Variants in FHOD3 observed in about 807,000 individuals in gnomAD.
FHOD3 encodes FH1/FH2 domain-containing protein 3.
FHOD3 carries 90 observed loss-of-function variants against 173.0 expected under a neutral mutation model. That is an observed-to-expected ratio of 0.52 (90% CI 0.44 to 0.62). The LOEUF (loss-of-function observed/expected upper bound fraction) is 0.62. Ranked by LOEUF, FHOD3 falls within the 20% of genes least tolerant of loss-of-function variation. The pLI, the probability that FHOD3 is intolerant of heterozygous loss-of-function variation, is 0.00. For missense variants in FHOD3, 1,945 were observed against 2,034.7 expected (o/e 0.96, Z 0.85); for synonymous variants, 828 against 823.0 (o/e 1.01, Z -0.10).
At chr18:36,755,474 C>T (rs1044322037) in intron 25 of FHOD3, among the ~76,000 whole-genome samples, 163 bp downstream of exon 25, 1 of 145,310 alleles carries the variant, frequency 6.9e-6, no homozygotes. Context: ...AGTACTCCTC[C>T]ACCATTTCTG....
chr18:36,415,813 G>C (rs2049610256), intron 3 of FHOD3, among the ~76,000 whole-genome samples: 1 of 152,094 alleles, frequency 6.6e-6, no homozygotes, highest in South Asian at 2.1e-4. Context: ...CTTTTTCCAA[G>C]ACTACATAAT....
intron 3 of FHOD3, among the ~76,000 whole-genome samples, chr18:36,439,774 G>C (rs899098444): frequency 1.3e-5 from 2 of 152,100 alleles, no homozygotes; most frequent in Admixed American, 6.5e-5. Flanking sequence ...TTAAGTCCTA[G>C]AGTCCAAAGG....
At chr18:36,662,012 G>A (rs918792321) in intron 14 of FHOD3, among the ~76,000 whole-genome samples, 2 of 152,196 alleles carry the variant, frequency 1.3e-5, no homozygotes, top group African/African-American at 4.8e-5. Flanking sequence ...TTTTTGAGCA[G>A]ATAATTTCTA....
chr18:36,776,750 G>A (rs889211416), intron 28 of FHOD3, among the ~76,000 whole-genome samples: 1 of 152,172 alleles, frequency 6.6e-6, no homozygotes, highest in African/African-American at 2.4e-5. Flanking sequence ...AGAGGGTGAA[G>A]CAGCATCCCA....
At chr18:36,374,199 A>T (rs2047324590) in intron 3 of FHOD3, among the ~76,000 whole-genome samples, 1 of 152,194 alleles carries the variant, frequency 6.6e-6, no homozygotes, top group South Asian at 2.1e-4. Context: ...TTTTAAAAAC[A>T]ACTTCTGTGT....
At chr18:36,656,271 GAACCCTGTTGAAAAATTA>G (rs1012805813) in intron 13 of FHOD3, among the ~76,000 whole-genome samples, 1 of 152,088 alleles carries the variant, frequency 6.6e-6, no homozygotes, top group Non-Finnish European at 1.5e-5. Flanking sequence ...TGTGGTTTGG[GAACCCTGTTGAAAAATTA>G]AACCAACACT....
intron 1 of FHOD3, among the ~76,000 whole-genome samples, chr18:36,335,063 C>G (rs1164031129): frequency 6.6e-6 from 1 of 152,182 alleles, no homozygotes; most frequent in Non-Finnish European, 1.5e-5. Context: ...CTGGGCTAGG[C>G]TCATGGATGC....
At chr18:36,463,589 CCCTG>C (rs918463307) in intron 3 of FHOD3, among the ~76,000 whole-genome samples, 6 of 146,074 alleles carry the variant, frequency 4.1e-5, no homozygotes, top group African/African-American at 1.5e-4. Flanking sequence ...ACCTCTGTCT[CCCTG>C]CCTCAAGCAA....
At chr18:36,601,408 G>A (rs1047574487) in intron 7 of FHOD3, among the ~76,000 whole-genome samples, 12 of 152,080 alleles carry the variant, frequency 7.9e-5, no homozygotes, top group African/African-American at 2.7e-4. Context: ...TTTTCTTACT[G>A]TGTGCATCTG....
intron 11 of FHOD3, among the ~76,000 whole-genome samples, 156 bp downstream of exon 11, chr18:36,649,561 T>C (rs1410286435): frequency 6.6e-6 from 1 of 152,208 alleles, no homozygotes; most frequent in Admixed American, 6.5e-5. Context: ...ACCACTGGTT[T>C]TGTAGAAATA....
chr18:36,484,025 G>C (rs2054065685), intron 3 of FHOD3, among the ~76,000 whole-genome samples: 1 of 152,222 alleles, frequency 6.6e-6, no homozygotes, highest in Non-Finnish European at 1.5e-5. Context: ...CCCCAGATCT[G>C]CTGAAGCTAA....
At chr18:36,556,098 GTACTTTGT>G (rs1417645101) in intron 5 of FHOD3, among the ~76,000 whole-genome samples, 1 of 151,968 alleles carries the variant, frequency 6.6e-6, no homozygotes, top group African/African-American at 2.4e-5. Flanking sequence ...TGTCTCATCT[GTACTTTGT>G]TACATTTTCC....
At chr18:36,385,256 C>A (rs1454821098) in intron 3 of FHOD3, among the ~76,000 whole-genome samples, 1 of 152,160 alleles carries the variant, frequency 6.6e-6, no homozygotes, top group African/African-American at 2.4e-5. Flanking sequence ...GAAACTAGGT[C>A]AATAAATTTC....
chr18:36,625,822 T>A, intron 10 of FHOD3, 73 bp downstream of exon 10: 1 of 1,300,164 alleles, frequency 7.7e-7, no homozygotes, highest in Non-Finnish European at 1.0e-6. Flanking sequence ...TGCCTGCCAC[T>A]CTCCCCTCCC....
In FHOD3 at chr18:36,380,603, C is replaced by A. The variant is rs559795085; in HGVS notation, c.337+7859C>A. 1.1e-3 allele frequency among the ~76,000 whole-genome samples: 157 copies of A among 140,376 alleles called. 2 individuals are homozygous for A. The highest frequency in any genetic ancestry group is 4.0e-3 in the African/African-American group (147 of 36,654). 92.1% of individuals were successfully genotyped at this position (140,376 alleles called of 152,430 possible). On this transcript the variant is annotated intron_variant, in intron 3 of 28. Transcript: ENST00000590592. ...TTTTCCTTTCCTTTCCTTTCCTTTC[C>A]TTTCCTTTCCTTTCCTTTCCTTTCC...
intron 5 of FHOD3, among the ~76,000 whole-genome samples, chr18:36,547,923 T>C (rs2057478971): frequency 6.6e-6 from 1 of 152,214 alleles, no homozygotes; most frequent in Non-Finnish European, 1.5e-5. Flanking sequence ...CCTGGCACAG[T>C]GGCTCACGCT....
chr18:36,327,422 G>A (rs375865386), intron 1 of FHOD3, among the ~76,000 whole-genome samples: 4 of 152,320 alleles, frequency 2.6e-5, no homozygotes, highest in Non-Finnish European at 4.4e-5. Context: ...GGCAAAAACC[G>A]CAATTACTTT....
intron 3 of FHOD3, among the ~76,000 whole-genome samples, chr18:36,417,775 T>A (rs183087137): frequency 1.1e-4 from 16 of 152,330 alleles, no homozygotes; most frequent in Non-Finnish European, 2.1e-4. Flanking sequence ...TTTAGCCAAC[T>A]TCCCCTCCCC....
At chr18:36,659,622 T>A (rs1156982811) in intron 14 of FHOD3, among the ~76,000 whole-genome samples, 1 of 152,168 alleles carries the variant, frequency 6.6e-6, no homozygotes, top group Non-Finnish European at 1.5e-5. Flanking sequence ...TTCCCTACAG[T>A]GCCTGGGGCC....
Sources: gnomAD v4.1 joint callset for allele counts (sites outside exome capture counted in the v4.1 genomes callset) on GRCh38, gnomAD v4.1.1 for gene constraint, MANE v1.5 for transcripts, NCBI Gene and HGNC (gene_info 2026-07-23, HGNC 2026-07-21) for gene names.